PPFIBP2: variants seen among roughly 807,000 people sequenced by gnomAD.
PPFIBP2 encodes PPFIB scaffold protein 2, also known as liprin-beta-2.
A neutral mutation model predicts 118.3 loss-of-function variants in PPFIBP2; 118 were observed. The ratio of observed to expected loss-of-function variants is 1.00; its 90% CI spans 0.86 to 1.16. The LOEUF (loss-of-function observed/expected upper bound fraction) is 1.16. PPFIBP2 is among the 50% of genes most tolerant of loss of function. PPFIBP2 has a pLI of 0.00. For missense variants in PPFIBP2, 1,195 were observed against 1,073.1 expected, an observed-to-expected ratio of 1.11 and a Z score of -1.59; for synonymous variants, 414 against 397.4, an observed-to-expected ratio of 1.04 and a Z score of -0.50.
Position 7,650,972 on chromosome 11 carries a change from GGCTCTCTGGCCTAGCCCACCTGCCTT to G in PPFIBP2, c.2247+9_2247+34del. On this transcript the variant is annotated splice_region_variant and intron_variant, in intron 22 of 23. Coordinates refer to ENST00000299492, the MANE Select transcript of PPFIBP2 (RefSeq NM_003621.5). ...AGTCCATGGAGGCCTCATTGTGAGT[GGCTCTCTGGCCTAGCCCACCTGCCTT>G]GGTGCAAATGGGATATTCAGAAACT... The G allele has an allele frequency of 6.2e-7, 1 of 1,612,102 alleles. No individual in the cohort carries two copies. Among genetic ancestry groups the G allele is most frequent in the Non-Finnish European group, 8.5e-7 (1 of 1,178,674 alleles).
intron 3 of PPFIBP2, among the ~76,000 whole-genome samples, chr11:7,587,108 CCT>C (rs1858352560): frequency 6.6e-6 from 1 of 152,178 alleles, no homozygotes; most frequent in Non-Finnish European, 1.5e-5. Flanking sequence ...GTATTCATTC[CCT>C]GTCTTAACCT....
At chr11:7,602,025 G>A (rs981575350) in intron 5 of PPFIBP2, among the ~76,000 whole-genome samples, 2 of 150,404 alleles carry the variant, frequency 1.3e-5, no homozygotes, top group South Asian at 2.1e-4. Context: ...CCCGAGAGAC[G>A]GAGGTTGCAG....
rs530267857 is a variant in PPFIBP2 at position 7,640,011 on chromosome 11, G to C, written c.1375+141G>C. 54 of 1,151,444 alleles carry C rather than the reference G, an allele frequency of 4.7e-5. 1 individual carries two copies. The South Asian group carries it at 8.9e-4, about 19-fold the overall frequency. 71.3% of individuals were successfully genotyped at this position (1,151,444 alleles called of 1,614,324 possible). ...GGTGGCTGGAACAAGTTGTACCTTG[G>C]GGTGGTCCCACCTCCCCAGAGGCTC... On this transcript the variant is annotated intron_variant, in intron 15 of 23. Transcript: ENST00000299492.
the PPFIBP2 span, among the ~76,000 whole-genome samples, chr11:7,663,377 T>C: frequency 4.0e-5 from 6 of 151,804 alleles, no homozygotes; most frequent in African/African-American, 1.4e-4. Context: ...GACAGGACCC[T>C]CAGCTGCAGG....
At chr11:7,666,143 T>G in the PPFIBP2 span, 1 of 604,110 alleles carries the variant, frequency 1.7e-6, no homozygotes, top group Non-Finnish European at 3.0e-6. Context: ...ATTAGATGTG[T>G]ATGTGATGGC....
rs573513410 is a variant in PPFIBP2, at chr11:7,580,007, C to A, written c.280-13125C>A. Among the ~76,000 whole-genome samples, 6 of 151,968 alleles carry A rather than the reference C, an allele frequency of 3.9e-5. No individual in the cohort carries two copies. The East Asian group carries it at 1.2e-3, about 29-fold the overall frequency. On this transcript the variant is annotated intron_variant, in intron 3 of 23. Coordinates refer to ENST00000299492, the MANE Select transcript of PPFIBP2 (RefSeq NM_003621.5). ...TCGTCCTGTGACCCCAGTGATGAGCCCCCCTGGACTCACCCTTAATCTGGA... is the reference window on the plus strand; with the variant it reads ...TCGTCCTGTGACCCCAGTGATGAGCACCCCTGGACTCACCCTTAATCTGGA...
intron 5 of PPFIBP2, among the ~76,000 whole-genome samples, chr11:7,601,777 T>G (rs1846663479): frequency 6.6e-6 from 1 of 151,980 alleles, no homozygotes. Flanking sequence ...CTGACCAACA[T>G]GGTGAAACCC....
chr11:7,653,387 G>A lies in PPFIBP2; in HGVS notation c.*169G>A, dbSNP rs1274768887. The A allele has an allele frequency of 6.7e-7, 1 of 1,484,210 alleles. No homozygotes were observed. Among genetic ancestry groups the A allele is most frequent in the Non-Finnish European group, 8.9e-7 (1 of 1,121,284 alleles). The allele number at this position is 1,484,210 out of a possible 1,614,324, so 91.9% of individuals were successfully genotyped here. ...TGAACCCTGAGGGTGGCCAGGATCT[G>A]GAGCTGCATCTCTAAGGGGCCAGGC... On this transcript the variant is annotated 3_prime_UTR_variant, in exon 24 of 24. Transcript: ENST00000299492.
intron 17 of PPFIBP2, chr11:7,647,975 G>T: frequency 6.5e-6 from 1 of 153,502 alleles, no homozygotes; most frequent in African/African-American, 2.4e-5. Flanking sequence ...TTAATGTTAA[G>T]AGAACTGACC....
chr11:7,529,106 G>A (rs1030303701), intron 1 of PPFIBP2, among the ~76,000 whole-genome samples: 1 of 152,090 alleles, frequency 6.6e-6, no homozygotes, highest in Non-Finnish European at 1.5e-5. Flanking sequence ...GAAGAAGTTG[G>A]GGGAGCATCT....
intron 5 of PPFIBP2, among the ~76,000 whole-genome samples, chr11:7,607,052 A>T (rs1847453597): frequency 6.7e-6 from 1 of 150,022 alleles, no homozygotes; most frequent in African/African-American, 2.5e-5. Context: ...CTGGGACTAC[A>T]GGTGCCCACC....
chr11:7,570,175 C>A (rs554579740), intron 3 of PPFIBP2, among the ~76,000 whole-genome samples: 1 of 152,046 alleles, frequency 6.6e-6, no homozygotes, highest in South Asian at 2.1e-4. Flanking sequence ...TGGCATAGAT[C>A]TTTGGCTAGG....
intron 2 of PPFIBP2, among the ~76,000 whole-genome samples, chr11:7,550,739 A>G (rs1852877271): frequency 6.6e-6 from 1 of 152,184 alleles, no homozygotes; most frequent in South Asian, 2.1e-4. Flanking sequence ...GGAGATTAAC[A>G]TTTGAGTCAG....
At chr11:7,631,158 G>C in intron 11 of PPFIBP2, 130 bp downstream of exon 11, 1 of 684,552 alleles carries the variant, frequency 1.5e-6, no homozygotes, top group Non-Finnish European at 2.6e-6. Context: ...TTAATATAGT[G>C]CCCCTCAGGC....
At chr11:7,517,886 C>T (rs1046367998) in intron 1 of PPFIBP2, among the ~76,000 whole-genome samples, 37 of 152,144 alleles carry the variant, frequency 2.4e-4, no homozygotes, top group Admixed American at 1.8e-3. Context: ...GGATGGGGGG[C>T]GGTCCCTGCA....
intron 1 of PPFIBP2, among the ~76,000 whole-genome samples, chr11:7,542,852 T>G: frequency 6.6e-6 from 1 of 152,256 alleles, no homozygotes; most frequent in East Asian, 1.9e-4. Context: ...ATTAAATGTT[T>G]AGGTTCAGCC....
chr11:7,519,148 G>A (rs144537229), intron 1 of PPFIBP2, among the ~76,000 whole-genome samples: 1 of 152,298 alleles, frequency 6.6e-6, no homozygotes, highest in East Asian at 1.9e-4. Context: ...CGACTGGGAA[G>A]ATGGCAGCTG....
At chr11:7,551,198 G>A (rs1396107523) in intron 2 of PPFIBP2, among the ~76,000 whole-genome samples, 1 of 152,092 alleles carries the variant, frequency 6.6e-6, no homozygotes, top group East Asian at 1.9e-4. Flanking sequence ...TGACCTGTGA[G>A]CTCCTCGGGG....
At chr11:7,592,552 G>T (rs1859523674) in intron 3 of PPFIBP2, among the ~76,000 whole-genome samples, 1 of 152,104 alleles carries the variant, frequency 6.6e-6, no homozygotes, top group Non-Finnish European at 1.5e-5. Context: ...TCTTATTGGA[G>T]GGTGGGATTG....
Sources: gnomAD v4.1 joint callset for allele counts (sites outside exome capture counted in the v4.1 genomes callset) on GRCh38, gnomAD v4.1.1 for gene constraint, MANE v1.5 for transcripts, NCBI Gene and HGNC (gene_info 2026-07-23, HGNC 2026-07-21) for gene names.